The following TBC1D5 variants were observed in gnomAD, a reference collection of about 807,000 sequenced individuals.
TBC1D5 encodes the protein TBC1 domain family member 5.
A neutral mutation model predicts 100.3 loss-of-function variants in TBC1D5; 75 were observed. That is an observed-to-expected ratio of 0.75 (90% confidence interval 0.62 to 0.91). The LOEUF (loss-of-function observed/expected upper bound fraction) is 0.91, where lower values mean the gene tolerates loss of function less well. Among genes scored for constraint, TBC1D5 ranks in the 40% least tolerant of loss-of-function variants. The probability of loss-of-function intolerance (pLI) is 0.00; values close to 1 mark genes in which losing one functional copy is unlikely to be tolerated. For synonymous variants in TBC1D5, 323 were observed against 325.6 expected (o/e 0.99, Z 0.09); for missense variants, 910 against 942.4 (o/e 0.97, Z 0.45).
chr3:17,656,828 AAT>A (rs10579239), intron 1 of TBC1D5, among the ~76,000 whole-genome samples: 86,258 of 151,212 alleles, frequency 0.57, 25,380 homozygotes, highest in East Asian at 0.99. Context: ...CATACAGATG[AAT>A]ATATATATAT....
At chr3:17,469,926 A>G (rs7621577) in intron 3 of TBC1D5, among the ~76,000 whole-genome samples, 3,087 of 152,294 alleles carry the variant, frequency 0.02, 105 homozygotes, top group African/African-American at 0.069. Flanking sequence ...TAAAAGAATA[A>G]ATGTTTTACA....
At chr3:17,628,812 T>C (rs2063272087) in intron 1 of TBC1D5, among the ~76,000 whole-genome samples, 1 of 152,204 alleles carries the variant, frequency 6.6e-6, no homozygotes, top group South Asian at 2.1e-4. Context: ...AAGTCAGATA[T>C]GTTCTTAAAA....
At chr3:17,557,645 T>G (rs1328531607) in intron 2 of TBC1D5, among the ~76,000 whole-genome samples, 1 of 152,016 alleles carries the variant, frequency 6.6e-6, no homozygotes, top group East Asian at 1.9e-4. Context: ...CAACCTCCCA[T>G]GCTCAAGTGA....
At chr3:17,737,192 G>A (rs1408954614) in intron 1 of TBC1D5, among the ~76,000 whole-genome samples, 1 of 152,070 alleles carries the variant, frequency 6.6e-6, no homozygotes, top group Non-Finnish European at 1.5e-5. Flanking sequence ...TCTTCCCCAT[G>A]GTGCTTATGT....
intron 8 of TBC1D5, among the ~76,000 whole-genome samples, chr3:17,386,029 A>G: frequency 6.6e-6 from 1 of 152,138 alleles, no homozygotes; most frequent in South Asian, 2.1e-4. Context: ...TAAAAATCAA[A>G]TATCCCAAAT....
chr3:17,172,563 G>A (rs2067267472), intron 19 of TBC1D5, among the ~76,000 whole-genome samples: 1 of 152,122 alleles, frequency 6.6e-6, no homozygotes, highest in Non-Finnish European at 1.5e-5. Context: ...TCACATTTAA[G>A]TATTACATAT....
chr3:17,738,209 A>C (rs1382108616), intron 1 of TBC1D5, among the ~76,000 whole-genome samples: 2 of 152,244 alleles, frequency 1.3e-5, no homozygotes, highest in African/African-American at 4.8e-5. Context: ...TCATCCAAAA[A>C]GTACAAACTC....
At chr3:17,255,767 A>G (rs979720754) in intron 16 of TBC1D5, among the ~76,000 whole-genome samples, 14 of 152,142 alleles carry the variant, frequency 9.2e-5, no homozygotes, top group Admixed American at 6.5e-4. Flanking sequence ...GGCCGGGCGC[A>G]GTGGCTCACG....
At chr3:17,729,617 G>GA (rs1242847102) in intron 1 of TBC1D5, among the ~76,000 whole-genome samples, 1 of 152,140 alleles carries the variant, frequency 6.6e-6, no homozygotes, top group Non-Finnish European at 1.5e-5. Flanking sequence ...TGACGCAGGA[G>GA]AATCGCTTGA....
intron 18 of TBC1D5, among the ~76,000 whole-genome samples, chr3:17,189,044 T>G (rs1359951793): frequency 6.6e-6 from 1 of 152,192 alleles, no homozygotes. Context: ...TTTTTCTCAG[T>G]TATTAGCTGT....
At chr3:17,308,631 T>A (rs1432326753) in intron 13 of TBC1D5, among the ~76,000 whole-genome samples, 4 of 152,146 alleles carry the variant, frequency 2.6e-5, no homozygotes, top group African/African-American at 7.2e-5. Context: ...ATTTTAAAAT[T>A]AAGTGTGGGA....
chr3:17,430,912 G>C (rs996884499), intron 3 of TBC1D5, among the ~76,000 whole-genome samples: 1 of 151,742 alleles, frequency 6.6e-6, no homozygotes, highest in African/African-American at 2.4e-5. Flanking sequence ...CCAGTAACTA[G>C]GAGAAATCAA....
chr3:17,696,346 C>T (rs1321773057), intron 1 of TBC1D5, among the ~76,000 whole-genome samples: 2 of 152,182 alleles, frequency 1.3e-5, no homozygotes, highest in East Asian at 1.9e-4. Context: ...AACTGATAGA[C>T]TGCTAGCAAG....
chr3:17,434,402 G>A (rs1293318390), intron 3 of TBC1D5, among the ~76,000 whole-genome samples: 1 of 152,186 alleles, frequency 6.6e-6, no homozygotes, highest in African/African-American at 2.4e-5. Context: ...CCAACACAAT[G>A]TGAAAGCTGC....
At chr3:17,424,322 G>C (rs1474377163) in intron 4 of TBC1D5, among the ~76,000 whole-genome samples, 1 of 152,140 alleles carries the variant, frequency 6.6e-6, no homozygotes, top group South Asian at 2.1e-4. Context: ...GCGAGGAGAA[G>C]GTCAGCTGCC....
At chr3:17,506,360 A>G (rs2095845207) in intron 3 of TBC1D5, among the ~76,000 whole-genome samples, 1 of 152,098 alleles carries the variant, frequency 6.6e-6, no homozygotes, top group Admixed American at 6.5e-5. Flanking sequence ...AGAACAAGAT[A>G]TTTACATATC....
At chr3:17,404,552 C>T (rs941906810) in intron 7 of TBC1D5, 142 bp downstream of exon 7, 1 of 668,698 alleles carries the variant, frequency 1.5e-6, no homozygotes, top group African/African-American at 1.9e-5. Context: ...ATCATTTCTA[C>T]CAGGTTTTAG....
At chr3:17,460,727 A>G (rs2095189449) in intron 3 of TBC1D5, among the ~76,000 whole-genome samples, 1 of 152,098 alleles carries the variant, frequency 6.6e-6, no homozygotes, top group Admixed American at 6.6e-5. Flanking sequence ...AAAGGATGCA[A>G]CACTTCAATG....
intron 14 of TBC1D5, among the ~76,000 whole-genome samples, chr3:17,295,039 G>A (rs1411991640): frequency 6.6e-6 from 1 of 152,168 alleles, no homozygotes; most frequent in Non-Finnish European, 1.5e-5. Context: ...GCAGGGCAGA[G>A]ACATGAAGTA....
Sources: gnomAD v4.1 joint callset for allele counts (sites outside exome capture counted in the v4.1 genomes callset) on GRCh38, gnomAD v4.1.1 for gene constraint, MANE v1.5 for transcripts, NCBI Gene and HGNC (gene_info 2026-07-23, HGNC 2026-07-21) for gene names.